Variants in PDZRN4 observed in about 807,000 individuals in gnomAD.
The protein encoded by PDZRN4 is PDZ domain-containing RING finger protein 4.
Under a neutral mutation model 99.0 loss-of-function variants are expected in PDZRN4, and 70 were observed. That is an observed-to-expected ratio of 0.71 (90% confidence interval 0.58 to 0.86). The LOEUF is 0.86. PDZRN4 is among the 40% of genes least tolerant of loss of function. The pLI, the probability that PDZRN4 is intolerant of heterozygous loss-of-function variation, is 0.00. For synonymous variants in PDZRN4, 551 were observed against 501.6 expected (o/e 1.10, Z -1.32); for missense variants, 1,474 against 1,331.2 (o/e 1.11, Z -1.67).
intron 3 of PDZRN4, among the ~76,000 whole-genome samples, chr12:41,251,289 AGAT>A (rs1951168135): frequency 6.6e-6 from 1 of 152,156 alleles, no homozygotes; most frequent in Non-Finnish European, 1.5e-5. Flanking sequence ...GGCATGAAAA[AGAT>A]GAATTATTTT....
chr12:41,444,638 A>C (rs1952708482), intron 3 of PDZRN4, among the ~76,000 whole-genome samples: 1 of 152,178 alleles, frequency 6.6e-6, no homozygotes, highest in Non-Finnish European at 1.5e-5. Flanking sequence ...AAAACTTTAG[A>C]TATGACAGAT....
intron 3 of PDZRN4, among the ~76,000 whole-genome samples, chr12:41,362,148 CAGA>C (rs761411286): frequency 3.4e-4 from 51 of 152,090 alleles, no homozygotes; most frequent in African/African-American, 7.2e-4. Context: ...GAAATTCAAT[CAGA>C]AGAAGTTTTA....
rs1212812380 is a variant in PDZRN4, at chr12:41,402,152, GTA to G, written c.844-104289_844-104288del. Among the ~76,000 whole-genome samples the G allele has an allele frequency of 4.0e-4, 15 of 37,754 alleles. 2 individuals are homozygous for G. The highest frequency in any genetic ancestry group is 2.1e-3 in the African/African-American group (10 of 4,772). The allele number at this position is 37,754 out of a possible 152,430, so 24.8% of individuals were successfully genotyped here. A position where few individuals can be genotyped will look rare whatever the true frequency, so the allele number is the denominator to read the frequency against. Reference sequence around the variant, plus strand: ...ATATATATATATATACACACACTGAGTATATATATATATATACACACTGAGTA... The same window carrying G: ...ATATATATATATATACACACACTGAGTATATATATATATACACACTGAGTA... On this transcript the variant is annotated intron_variant, in intron 3 of 9. Transcript: ENST00000402685.
At chr12:41,384,149 G>A (rs1952148150) in intron 3 of PDZRN4, among the ~76,000 whole-genome samples, 2 of 151,780 alleles carry the variant, frequency 1.3e-5, no homozygotes, top group East Asian at 1.9e-4. Context: ...TTGAGACAGG[G>A]CCTCACTCCC....
chr12:41,552,926 A>G (rs1186371984), intron 6 of PDZRN4, among the ~76,000 whole-genome samples, 172 bp downstream of exon 6: 1 of 152,214 alleles, frequency 6.6e-6, no homozygotes, highest in Non-Finnish European at 1.5e-5. Context: ...CTGCCCAAGT[A>G]ATGTAATTAT....
At chr12:41,244,991 A>T (rs182946000) in intron 3 of PDZRN4, among the ~76,000 whole-genome samples, 2 of 152,198 alleles carry the variant, frequency 1.3e-5, no homozygotes, top group Non-Finnish European at 2.9e-5. Flanking sequence ...CGCCCGGCCC[A>T]CACCACTGTC....
intron 3 of PDZRN4, among the ~76,000 whole-genome samples, chr12:41,430,466 T>TA (rs528553273): frequency 0.016 from 2,182 of 135,092 alleles, 47 homozygotes; most frequent in East Asian, 0.11. Flanking sequence ...AGACTCCATC[T>TA]AAAAAAAAAA....
chr12:41,350,540 A>G (rs1369625679), intron 3 of PDZRN4, among the ~76,000 whole-genome samples: 1 of 152,144 alleles, frequency 6.6e-6, no homozygotes, highest in Non-Finnish European at 1.5e-5. Context: ...AAAAATGCAA[A>G]CAATGACAAA....
chr12:41,543,756 A>G (rs1938901258), intron 5 of PDZRN4, among the ~76,000 whole-genome samples: 1 of 152,204 alleles, frequency 6.6e-6, no homozygotes, highest in Non-Finnish European at 1.5e-5. Flanking sequence ...AATAGAAAAG[A>G]CAAGTGTTCT....
intron 3 of PDZRN4, among the ~76,000 whole-genome samples, chr12:41,283,376 T>C (rs1433633435): frequency 6.6e-6 from 1 of 152,078 alleles, no homozygotes; most frequent in Non-Finnish European, 1.5e-5. Flanking sequence ...ATTAATACCC[T>C]ACTAGCCAAA....
chr12:41,333,812 G>A (rs1234906333), intron 3 of PDZRN4, among the ~76,000 whole-genome samples: 1 of 152,082 alleles, frequency 6.6e-6, no homozygotes, highest in African/African-American at 2.4e-5. Context: ...CATGATTTGT[G>A]GGGTTTATCA....
chr12:41,391,442 C>A lies in PDZRN4; in HGVS notation c.844-115014C>A, dbSNP rs146196415. On this transcript the variant is annotated intron_variant, in intron 3 of 9. Coordinates refer to ENST00000402685, the MANE Select transcript of PDZRN4 (RefSeq NM_001164595.2). ...CAAGTCCTGCTCTCTCCAAGCTCACCGTATAACCAACACATGACAAGGTGG... is the reference window on the plus strand; with the variant it reads ...CAAGTCCTGCTCTCTCCAAGCTCACAGTATAACCAACACATGACAAGGTGG... 7.0e-4 allele frequency among the ~76,000 whole-genome samples: 106 copies of A among 152,226 alleles called. 3 individuals are homozygous for A. The highest frequency in any genetic ancestry group is 2.0e-3 in the African/African-American group (83 of 41,548).
intron 3 of PDZRN4, among the ~76,000 whole-genome samples, chr12:41,494,111 C>G (rs1188221846): frequency 1.4e-4 from 22 of 151,808 alleles, no homozygotes; most frequent in Non-Finnish European, 8.8e-5. Context: ...CAATTATCCA[C>G]ACGGTTATGA....
chr12:41,224,348 G>A (rs889700051), intron 3 of PDZRN4, among the ~76,000 whole-genome samples: 2 of 152,174 alleles, frequency 1.3e-5, no homozygotes, highest in African/African-American at 4.8e-5. Flanking sequence ...AGTGTGACAT[G>A]TTATGAGCCA....
intron 3 of PDZRN4, among the ~76,000 whole-genome samples, chr12:41,212,986 G>C (rs1437095062): frequency 1.3e-5 from 2 of 151,992 alleles, no homozygotes; most frequent in Non-Finnish European, 2.9e-5. Context: ...CTAATTATTG[G>C]AACATCTCTT....
At position 41,533,380 on chromosome 12, in the gene PDZRN4, G is replaced by T. The variant is rs182208523; in HGVS notation, c.1204-19276G>T. On this transcript the variant is annotated intron_variant, in intron 5 of 9. Transcript: ENST00000402685. ...AGTAGAAACAGGGTTTCACCATGTT[G>T]GTCAGGCTGGTCTTGAACTCCTGAC... Among the ~76,000 whole-genome samples the T allele has an allele frequency of 7.2e-5, 11 of 152,030 alleles. No individual in the cohort carries two copies. In the East Asian group the frequency reaches 2.1e-3, roughly 29 times the overall value.
intron 3 of PDZRN4, among the ~76,000 whole-genome samples, chr12:41,250,949 C>T (rs989655175): frequency 6.6e-6 from 1 of 152,176 alleles, no homozygotes; most frequent in Non-Finnish European, 1.5e-5. Context: ...GACTGGTCCA[C>T]TTTTACTTTG....
At chr12:41,493,695 T>A (rs953872627) in intron 3 of PDZRN4, among the ~76,000 whole-genome samples, 3 of 152,118 alleles carry the variant, frequency 2.0e-5, no homozygotes, top group African/African-American at 7.2e-5. Flanking sequence ...TCACTCATAG[T>A]GATTGTGTCC....
rs148947729 is a variant in PDZRN4 at position 41,542,386 on chromosome 12, TA to T, written c.1204-10267del. Among the ~76,000 whole-genome samples the T allele has an allele frequency of 6.8e-4, 104 of 152,324 alleles. 1 individual carries two copies. Among genetic ancestry groups the T allele is most frequent in the African/African-American group, 2.5e-3 (102 of 41,572 alleles). Reference sequence around the variant, plus strand: ...TAGACACTAAGGGTTGAAAGAATAGTAAAGATCTTTTCAACTCAAGCCTTGC... The same window carrying T: ...TAGACACTAAGGGTTGAAAGAATAGTAAGATCTTTTCAACTCAAGCCTTGC... On this transcript the variant is annotated intron_variant, in intron 5 of 9. Coordinates refer to ENST00000402685, the MANE Select transcript of PDZRN4 (RefSeq NM_001164595.2).
Sources: allele counts gnomAD v4.1 joint callset (sites outside exome capture counted in the v4.1 genomes callset), GRCh38; gene constraint gnomAD v4.1.1; transcripts MANE v1.5; gene names NCBI Gene and HGNC (gene_info 2026-07-23, HGNC 2026-07-21).